Variants in DACH2 observed in about 807,000 individuals in gnomAD.
The protein encoded by DACH2 is dachshund homolog 2.
In DACH2, 17 loss-of-function variants were observed where a neutral mutation model predicts 35.8. The observed-to-expected ratio is 0.48, with a 90% CI of 0.33 to 0.71. The LOEUF is 0.71. Among genes scored for constraint, DACH2 ranks in the 30% least tolerant of loss-of-function variants. DACH2 has a pLI of 0.02. For synonymous variants in DACH2, 195 were observed against 177.3 expected, an observed-to-expected ratio of 1.10 and a Z score of -0.79; for missense variants, 469 against 472.7, an observed-to-expected ratio of 0.99 and a Z score of 0.07.
At chrX:86,828,214 T>A (rs1329324497) in intron 11 of DACH2, 3 of 121,002 alleles carry the variant, frequency 2.5e-5, no homozygotes, top group Non-Finnish European at 5.1e-5. Context: ...ACTTCTTGTC[T>A]GACCTGGTAT....
chrX:86,193,008 C>A (rs983267109), intron 1 of DACH2, among the ~76,000 whole-genome samples: 3 of 111,590 alleles, frequency 2.7e-5, no homozygotes, highest in Non-Finnish European at 3.8e-5. Flanking sequence ...TTTTTTTATG[C>A]AGTATAGTGC....
chrX:86,331,385 C>A (rs763267936), intron 1 of DACH2, among the ~76,000 whole-genome samples: 1 of 110,663 alleles, frequency 9.0e-6, no homozygotes, highest in South Asian at 3.8e-4. Flanking sequence ...CAGACAAGGG[C>A]TCATTTCTGA....
chrX:86,440,467 T>C (rs1236171027), intron 2 of DACH2, among the ~76,000 whole-genome samples: 2 of 111,562 alleles, frequency 1.8e-5, no homozygotes, highest in African/African-American at 6.5e-5. Context: ...ATGGTACAAC[T>C]TATCCATCCC....
At chrX:86,371,754 A>G (rs1286672623) in intron 1 of DACH2, among the ~76,000 whole-genome samples, 14 of 111,164 alleles carry the variant, frequency 1.3e-4, no homozygotes, top group African/African-American at 4.6e-4. Context: ...AAAAGTTCCA[A>G]CAGTGGAAAT....
chrX:86,455,347 G>A (rs1172366740), intron 2 of DACH2, among the ~76,000 whole-genome samples: 1 of 111,215 alleles, frequency 9.0e-6, no homozygotes, highest in African/African-American at 3.3e-5. Flanking sequence ...TTTCTCTTCT[G>A]GACCATTTGG....
At position 86,708,255 on chromosome X, in the gene DACH2, C is replaced by T. The variant is rs971638782; in HGVS notation, c.932-6293C>T. Among the ~76,000 whole-genome samples, 3 of 110,476 alleles carry T rather than the reference C, an allele frequency of 2.7e-5. No individual in the cohort carries two copies. In the East Asian group the frequency reaches 8.6e-4, roughly 32 times the overall value. ...AAGGGAAGGACGTTACCTCTTATCA[C>T]TTCTATTCATCGTTATACTGGAGGC... On this transcript the variant is annotated intron_variant, in intron 5 of 11. Transcript: ENST00000373125.
Position 86,160,052 on chromosome X carries a change from AC to A in DACH2, c.488+10945del, listed in dbSNP as rs200383391. Among the ~76,000 whole-genome samples, 14 of 107,032 alleles carry A rather than the reference AC, an allele frequency of 1.3e-4. 1 individual carries two copies. Among genetic ancestry groups the A allele is most frequent in the African/African-American group, 4.8e-4 (13 of 26,998 alleles). 92.9% of individuals were successfully genotyped at this position (107,032 alleles called of 115,157 possible). ...AAAACTGCCACATGTAAAAAAAAAA[AC>A]AAAAAAAACAAAGTGTTCCACAAAA... is the stretch of plus-strand genomic sequence containing the variant. On this transcript the variant is annotated intron_variant, in intron 1 of 11. Coordinates refer to ENST00000373125, the MANE Select transcript of DACH2 (RefSeq NM_053281.3).
intron 1 of DACH2, among the ~76,000 whole-genome samples, chrX:86,207,012 A>G (rs2032329801): frequency 8.9e-6 from 1 of 111,856 alleles, no homozygotes; most frequent in Non-Finnish European, 1.9e-5. Context: ...AACTTAGGAG[A>G]ACATTATAGA....
intron 7 of DACH2, among the ~76,000 whole-genome samples, chrX:86,762,345 T>A (rs1211698393): frequency 1.8e-5 from 2 of 111,578 alleles, no homozygotes; most frequent in African/African-American, 6.5e-5. Flanking sequence ...CCACAAGCAG[T>A]AATTTTCAAA....
At chrX:86,782,424 A>ATT (rs1208808127) in intron 7 of DACH2, among the ~76,000 whole-genome samples, 2 of 111,806 alleles carry the variant, frequency 1.8e-5, no homozygotes, top group African/African-American at 6.5e-5. Flanking sequence ...AAAATTTACA[A>ATT]TTAAGTTTGT....
chrX:86,792,481 C>T (rs912228012), intron 7 of DACH2, among the ~76,000 whole-genome samples: 1 of 111,083 alleles, frequency 9.0e-6, no homozygotes, highest in Admixed American at 9.7e-5. Flanking sequence ...CCTTCTATTT[C>T]ATTATATGAT....
At chrX:86,394,869 G>C (rs2036257842) in intron 2 of DACH2, among the ~76,000 whole-genome samples, 1 of 111,687 alleles carries the variant, frequency 9.0e-6, no homozygotes, top group South Asian at 3.7e-4. Context: ...TTTGATATGA[G>C]ACATTCTTAC....
chrX:86,707,406 A>G (rs2041227746), intron 5 of DACH2, among the ~76,000 whole-genome samples: 1 of 111,818 alleles, frequency 8.9e-6, no homozygotes, highest in African/African-American at 3.3e-5. Context: ...CCAAACATTT[A>G]AAGAAGAAAA....
At chrX:86,404,453 C>CA (rs1041945884) in intron 2 of DACH2, among the ~76,000 whole-genome samples, 2 of 111,927 alleles carry the variant, frequency 1.8e-5, no homozygotes, top group African/African-American at 6.5e-5. Context: ...GTCCAAAATC[C>CA]AATAGGGCAG....
intron 2 of DACH2, among the ~76,000 whole-genome samples, chrX:86,415,040 G>A (rs890980020): frequency 8.9e-6 from 1 of 111,775 alleles, no homozygotes; most frequent in Non-Finnish European, 1.9e-5. Context: ...AAGCGTCACA[G>A]TACATGTGAA....
chrX:86,717,616 T>G (rs2041352228), intron 6 of DACH2, among the ~76,000 whole-genome samples: 2 of 108,120 alleles, frequency 1.8e-5, no homozygotes, highest in South Asian at 8.0e-4. Context: ...ACCCATGAAA[T>G]GTAGGATAAA....
intron 11 of DACH2, chrX:86,831,329 T>C (rs1225977540): frequency 9.0e-6 from 1 of 111,310 alleles, no homozygotes; most frequent in East Asian, 2.8e-4. Context: ...ACATTATCTT[T>C]AAGTATTTCT....
intron 2 of DACH2, among the ~76,000 whole-genome samples, chrX:86,496,566 A>T (rs1042693021): frequency 9.1e-6 from 1 of 110,393 alleles, no homozygotes; most frequent in African/African-American, 3.3e-5. Context: ...CTTTCAATGT[A>T]AAGAGAAGGG....
intron 1 of DACH2, among the ~76,000 whole-genome samples, chrX:86,245,430 A>G (rs1239697886): frequency 8.9e-6 from 1 of 111,841 alleles, no homozygotes; most frequent in East Asian, 2.8e-4. Context: ...CTCCCCATCA[A>G]AATGTTGTTG....
Sources: gnomAD v4.1 joint callset for allele counts (sites outside exome capture counted in the v4.1 genomes callset) on GRCh38, gnomAD v4.1.1 for gene constraint, MANE v1.5 for transcripts, NCBI Gene and HGNC (gene_info 2026-07-23, HGNC 2026-07-21) for gene names.